NRG1: variants seen among roughly 807,000 people sequenced by gnomAD.
NRG1 encodes neuregulin 1, also known as pro-neuregulin-1, membrane-bound isoform.
NRG1 carries 18 observed loss-of-function variants against 63.8 expected under a neutral mutation model. The observed-to-expected ratio is 0.28, with a 90% CI of 0.19 to 0.42. NRG1 has a LOEUF of 0.42. NRG1 is among the 10% of genes least tolerant of loss of function. The pLI is 1.00. For synonymous variants in NRG1, 302 were observed against 301.3 expected, an observed-to-expected ratio of 1.00 and a Z score of -0.02; for missense variants, 762 against 814.7, an observed-to-expected ratio of 0.94 and a Z score of 0.79.
intron 1 of NRG1, among the ~76,000 whole-genome samples, chr8:32,111,711 T>G (rs528927206): frequency 1.3e-5 from 2 of 152,280 alleles, no homozygotes; most frequent in African/African-American, 4.8e-5. Context: ...GTTTGTCAAG[T>G]GAATATCCAA....
intron 1 of NRG1, among the ~76,000 whole-genome samples, chr8:32,271,399 G>A (rs953584197): frequency 2.0e-5 from 3 of 152,162 alleles, no homozygotes; most frequent in Non-Finnish European, 4.4e-5. Flanking sequence ...GAGATGAGGG[G>A]CAGGCATAGA....
rs1030982429 is a variant in NRG1 at position 31,640,062 on chromosome 8, G to T, written c.37+631G>T. Reference sequence around the variant, plus strand: ...AGCGCCCCGGCTCCGCCGCCCGCTCGTCGCCGCCGCTGCCGCTGCTGCCAC... The same window carrying T: ...AGCGCCCCGGCTCCGCCGCCCGCTCTTCGCCGCCGCTGCCGCTGCTGCCAC... On this transcript the variant is annotated intron_variant, in intron 1 of 10. Coordinates refer to the NRG1 transcript ENST00000519301. The surrounding 1 kb of genome is among the most constrained non-coding windows in gnomAD (Gnocchi z 6.3). 4.4e-6 allele frequency: 5 copies of T among 1,139,660 alleles called. No individual in the cohort carries two copies. The highest frequency in any genetic ancestry group is 3.2e-6 in the Non-Finnish European group (3 of 930,564). 70.6% of individuals were successfully genotyped at this position (1,139,660 alleles called of 1,614,324 possible).
chr8:32,690,623 C>T (rs73675418), intron 5 of NRG1, among the ~76,000 whole-genome samples: 2,909 of 152,142 alleles, frequency 0.019, 105 homozygotes, highest in African/African-American at 0.067. Context: ...TATAAAAGCC[C>T]AGGACTCCAA....
intron 1 of NRG1, among the ~76,000 whole-genome samples, chr8:31,907,298 T>C (rs1196798329): frequency 2.0e-5 from 3 of 151,232 alleles, no homozygotes; most frequent in Non-Finnish European, 4.4e-5. Flanking sequence ...GAATTGATAA[T>C]ACTAAATTGA....
chr8:32,503,288 GAAAAAAAAAAA>G (rs60857610), intron 1 of NRG1, among the ~76,000 whole-genome samples: 24 of 54,856 alleles, frequency 4.4e-4, no homozygotes, highest in South Asian at 4.1e-3. Context: ...CTCTGTCTCA[GAAAAAAAAAAA>G]AAAAAAAAAA....
intron 1 of NRG1, among the ~76,000 whole-genome samples, chr8:32,204,879 GA>G (rs1345699728): frequency 6.6e-6 from 1 of 152,112 alleles, no homozygotes; most frequent in Non-Finnish European, 1.5e-5. Flanking sequence ...ATGATTTCCT[GA>G]ATCAGAAATG....
intron 1 of NRG1, among the ~76,000 whole-genome samples, chr8:31,923,530 T>C (rs1223665939): frequency 4.6e-5 from 7 of 152,212 alleles, no homozygotes; most frequent in Admixed American, 4.6e-4. Flanking sequence ...ATGATTGCTG[T>C]AATTTCTTCC....
At chr8:31,800,845 T>TC (rs1821705623) in intron 1 of NRG1, among the ~76,000 whole-genome samples, 1 of 138,086 alleles carries the variant, frequency 7.2e-6, no homozygotes, top group Admixed American at 7.2e-5. Flanking sequence ...TTCTTTTTTT[T>TC]TTTTTTTTTT....
At chr8:32,490,034 T>C (rs2129494582) in intron 1 of NRG1, among the ~76,000 whole-genome samples, 1 of 152,312 alleles carries the variant, frequency 6.6e-6, no homozygotes, top group South Asian at 2.1e-4. Flanking sequence ...TGCAGCTGGA[T>C]GTGGTGGCAC....
At chr8:32,180,376 T>G (rs1841306262) in intron 1 of NRG1, among the ~76,000 whole-genome samples, 1 of 152,192 alleles carries the variant, frequency 6.6e-6, no homozygotes, top group African/African-American at 2.4e-5. Flanking sequence ...CCAGGGATTT[T>G]ACTCAGGATA....
At position 32,225,092 on chromosome 8, in the gene NRG1, G is replaced by T. The variant is rs1216990024; in HGVS notation, c.38-370736G>T. ...CTTAAAGAGCAGCATTTAAAATTGA[G>T]TCTTGCCTTGGGAGCCTGTGACCCA... is the stretch of plus-strand genomic sequence containing the variant. On this transcript the variant is annotated intron_variant, in intron 1 of 10. Transcript: ENST00000519301. Among the ~76,000 whole-genome samples, 2 of 152,144 alleles carry T rather than the reference G, an allele frequency of 1.3e-5. 1 individual carries two copies. The highest frequency in any genetic ancestry group is 4.1e-4 in the South Asian group (2 of 4,832).
intron 1 of NRG1, among the ~76,000 whole-genome samples, chr8:32,129,406 G>T (rs537354711): frequency 6.6e-6 from 1 of 151,850 alleles, no homozygotes; most frequent in Non-Finnish European, 1.5e-5. Context: ...GCTGTGGCTT[G>T]CTGCTACATC....
chr8:32,500,823 T>A (rs1474324443), intron 1 of NRG1, among the ~76,000 whole-genome samples: 2 of 152,180 alleles, frequency 1.3e-5, no homozygotes, highest in Non-Finnish European at 2.9e-5. Flanking sequence ...AAGGTTTCAA[T>A]CAAAAAGGCC....
At chr8:32,082,582 T>C (rs1427329305) in intron 1 of NRG1, among the ~76,000 whole-genome samples, 2 of 152,152 alleles carry the variant, frequency 1.3e-5, no homozygotes, top group Non-Finnish European at 2.9e-5. Flanking sequence ...AACTTGAGGT[T>C]CAAGAACAAC....
chr8:32,063,975 G>A (rs150157494), intron 1 of NRG1, among the ~76,000 whole-genome samples: 475 of 152,128 alleles, frequency 3.1e-3, no homozygotes, highest in African/African-American at 0.011. Flanking sequence ...TGTGGACCTG[G>A]GTCACTTGTA....
intron 1 of NRG1, among the ~76,000 whole-genome samples, chr8:31,958,492 C>A (rs1170094082): frequency 1.3e-5 from 2 of 152,098 alleles, no homozygotes; most frequent in African/African-American, 2.4e-5. Context: ...TTGTGGGGTA[C>A]AAGATGTAGA....
At chr8:31,870,632 A>G (rs1258115180) in intron 1 of NRG1, among the ~76,000 whole-genome samples, 17 of 152,194 alleles carry the variant, frequency 1.1e-4, no homozygotes, top group Admixed American at 6.5e-5. Context: ...AAAACCAATC[A>G]TATAGTTTTG....
chr8:31,777,831 G>A (rs1350660585), intron 1 of NRG1, among the ~76,000 whole-genome samples: 1 of 152,066 alleles, frequency 6.6e-6, no homozygotes, highest in Non-Finnish European at 1.5e-5. Context: ...GACTCTTGTG[G>A]GAACTAATAG....
At chr8:32,737,885 C>G (rs1182848907) in intron 6 of NRG1, among the ~76,000 whole-genome samples, 1 of 151,948 alleles carries the variant, frequency 6.6e-6, no homozygotes, top group Non-Finnish European at 1.5e-5. Flanking sequence ...GTTGGCCAGG[C>G]TTGTCCTGAA....
Sources: gnomAD v4.1 joint callset for allele counts (sites outside exome capture counted in the v4.1 genomes callset) on GRCh38, gnomAD v4.1.1 for gene constraint, Gnocchi (gnomAD v3.1) non-coding constraint, MANE v1.5 for transcripts, NCBI Gene and HGNC (gene_info 2026-07-23, HGNC 2026-07-21) for gene names.